Variants in CDH23 observed in about 807,000 individuals in gnomAD.
CDH23 encodes the protein cadherin-23.
A neutral mutation model predicts 317.1 loss-of-function variants in CDH23; 189 were observed. The ratio of observed to expected loss-of-function variants is 0.60; its 90% CI spans 0.53 to 0.67. The LOEUF (loss-of-function observed/expected upper bound fraction) is 0.67, where lower values mean the gene tolerates loss of function less well. CDH23 is among the 30% of genes least tolerant of loss of function. The probability of loss-of-function intolerance (pLI) is 0.00; values close to 1 mark genes in which losing one functional copy is unlikely to be tolerated. For synonymous variants in CDH23, 1,839 were observed against 1,876.8 expected (o/e 0.98, Z 0.52); for missense variants, 4,401 against 4,592.4 (o/e 0.96, Z 1.20).
intron 3 of CDH23, among the ~76,000 whole-genome samples, chr10:71,448,895 G>C (rs1850299572): frequency 6.6e-6 from 1 of 152,198 alleles, no homozygotes; most frequent in Non-Finnish European, 1.5e-5. Flanking sequence ...GCCAGGGAGA[G>C]GGGGAGGTTG....
rs187791073 is a variant in CDH23 at position 71,457,064 on chromosome 10, G to A, written c.145+10669G>A. 5.3e-5 allele frequency among the ~76,000 whole-genome samples: 8 copies of A among 152,262 alleles called. No individual in the cohort carries two copies. The East Asian group carries it at 1.2e-3, about 22-fold the overall frequency. On this transcript the variant is annotated intron_variant, in intron 3 of 69. Coordinates refer to ENST00000224721, the MANE Select transcript of CDH23 (RefSeq NM_022124.6). The stretch of plus-strand genomic sequence containing the variant: ...AACTACAGAGCCTTGCTAATGCCCC[G>A]AGGAGGAAGAAACTCATCCTGGGCA...
chr10:71,772,231 G>A (rs539654399), intron 38 of CDH23, among the ~76,000 whole-genome samples: 3 of 152,300 alleles, frequency 2.0e-5, no homozygotes, highest in African/African-American at 7.2e-5. Context: ...AGCTGCCTGT[G>A]GGCACCCAGG....
intron 1 of CDH23, among the ~76,000 whole-genome samples, chr10:71,424,001 G>C (rs188681277): frequency 1.3e-5 from 2 of 152,406 alleles, no homozygotes; most frequent in African/African-American, 4.8e-5. Context: ...CTGTTGGCTT[G>C]AGAATTGGGC....
intron 6 of CDH23, chr10:71,512,428 G>A (rs1386290920): frequency 6.6e-6 from 1 of 152,274 alleles, no homozygotes; most frequent in Admixed American, 6.5e-5. Flanking sequence ...TGGCCGGTGT[G>A]CCCAGGGACT....
At chr10:71,678,875 G>A (rs1475197008) in intron 16 of CDH23, among the ~76,000 whole-genome samples, 1 of 152,218 alleles carries the variant, frequency 6.6e-6, no homozygotes, top group African/African-American at 2.4e-5. Flanking sequence ...GTATGCAGCA[G>A]CAATCAAGAA....
At chr10:71,734,839 TC>T (rs2132832924) in intron 34 of CDH23, among the ~76,000 whole-genome samples, 181 bp downstream of exon 34, 1 of 152,322 alleles carries the variant, frequency 6.6e-6, no homozygotes, top group Non-Finnish European at 1.5e-5. Flanking sequence ...CTGGGGCATG[TC>T]CCCTGCCTCC....
chr10:71,753,100 C>T lies in CDH23; in HGVS notation c.4845+11179C>T, dbSNP rs368073436. On this transcript the variant is annotated intron_variant, in intron 38 of 69. Coordinates refer to ENST00000224721, the MANE Select transcript of CDH23 (RefSeq NM_022124.6). ...GCAGATGCCCTGCAGGGAACAGGAG[C>T]GAGCCCAGGAGGGCCCTGCACAGCT... 55 of 1,458,036 alleles carry T rather than the reference C, an allele frequency of 3.8e-5. No individual in the cohort carries two copies. In the East Asian group the frequency reaches 3.9e-4, roughly 10 times the overall value. The allele number at this position is 1,458,036 out of a possible 1,614,324, so 90.3% of individuals were successfully genotyped here.
At chr10:71,509,902 G>A in intron 3 of CDH23, 180 bp from the exon 4 acceptor site, 1 of 629,646 alleles carries the variant, frequency 1.6e-6, no homozygotes. Flanking sequence ...GGACCAGGGT[G>A]GAGGTGGGGT....
intron 3 of CDH23, among the ~76,000 whole-genome samples, chr10:71,460,729 C>G (rs545428179): frequency 6.6e-6 from 1 of 152,188 alleles, no homozygotes; most frequent in African/African-American, 2.4e-5. Context: ...AACCATTGTC[C>G]CTCCCATCCT....
At chr10:71,791,037 T>C in intron 46 of CDH23, 95 bp from the exon 47 acceptor site, 1 of 948,118 alleles carries the variant, frequency 1.1e-6, no homozygotes, top group Non-Finnish European at 1.6e-6. Flanking sequence ...ATGGTGCCCC[T>C]GTCTTTCTCT....
At chr10:71,610,062 T>C (rs1453378515) in intron 9 of CDH23, among the ~76,000 whole-genome samples, 1 of 151,806 alleles carries the variant, frequency 6.6e-6, no homozygotes, top group African/African-American at 2.4e-5. Context: ...TGGAGTTCAG[T>C]GGCATGATCT....
intron 1 of CDH23, among the ~76,000 whole-genome samples, chr10:71,404,433 TTA>T (rs1473491620): frequency 6.6e-6 from 1 of 152,246 alleles, no homozygotes; most frequent in Non-Finnish European, 1.5e-5. Flanking sequence ...GGACCCCACT[TTA>T]TTCATTTCCG....
intron 3 of CDH23, among the ~76,000 whole-genome samples, chr10:71,465,656 A>G (rs74144995): frequency 0.022 from 3,341 of 152,314 alleles, 130 homozygotes; most frequent in African/African-American, 0.076. Context: ...GACGCTGTTC[A>G]GTCCAGGAAT....
At chr10:71,513,138 G>A (rs991260298) in intron 6 of CDH23, among the ~76,000 whole-genome samples, 1 of 152,194 alleles carries the variant, frequency 6.6e-6, no homozygotes, top group Admixed American at 6.5e-5. Context: ...GTCCTTGGAG[G>A]AAGGCCCACA....
intron 9 of CDH23, among the ~76,000 whole-genome samples, chr10:71,612,795 AC>A (rs1860979832): frequency 6.6e-6 from 1 of 152,164 alleles, no homozygotes; most frequent in South Asian, 2.1e-4. Context: ...CCTCTGCTTC[AC>A]CCAGCCTCAG....
intron 1 of CDH23, among the ~76,000 whole-genome samples, chr10:71,427,212 A>AGAAG (rs1849128444): frequency 1.1e-5 from 1 of 89,770 alleles, no homozygotes; most frequent in African/African-American, 4.5e-5. Context: ...AAAGAAAGAA[A>AGAAG]GAAAGAAAGA....
At chr10:71,551,742 C>G (rs935427765) in intron 6 of CDH23, among the ~76,000 whole-genome samples, 4 of 152,204 alleles carry the variant, frequency 2.6e-5, no homozygotes, top group Non-Finnish European at 4.4e-5. Flanking sequence ...CTCAGGACCT[C>G]TAGCTGTCCC....
intron 6 of CDH23, among the ~76,000 whole-genome samples, chr10:71,519,865 T>A (rs149834024): frequency 1.3e-5 from 2 of 152,030 alleles, no homozygotes; most frequent in Non-Finnish European, 2.9e-5. Context: ...CACAGCTCAC[T>A]GCAGCCTTAA....
At chr10:71,796,170 G>GT (rs964667250) in intron 48 of CDH23, 3 of 826,786 alleles carry the variant, frequency 3.6e-6, no homozygotes, top group Admixed American at 1.2e-4. Flanking sequence ...AGATACCCCT[G>GT]TACCTGAGAG....
Sources: gnomAD v4.1 joint callset for allele counts (sites outside exome capture counted in the v4.1 genomes callset) on GRCh38, gnomAD v4.1.1 for gene constraint, MANE v1.5 for transcripts, NCBI Gene and HGNC (gene_info 2026-07-23, HGNC 2026-07-21) for gene names.